Variants in MAGI2 observed in about 807,000 individuals in gnomAD.
MAGI2 encodes the protein membrane associated guanylate kinase, WW and PDZ domain containing 2.
In MAGI2, 35 loss-of-function variants were observed where a neutral mutation model predicts 133.3. The ratio of observed to expected loss-of-function variants is 0.26; its 90% CI spans 0.20 to 0.35. The LOEUF (loss-of-function observed/expected upper bound fraction) is 0.35. Ranked by LOEUF, MAGI2 falls within the 10% of genes least tolerant of loss-of-function variation. The probability of loss-of-function intolerance (pLI) is 1.00; values close to 1 mark genes in which losing one functional copy is unlikely to be tolerated. For synonymous variants in MAGI2, 729 were observed against 710.6 expected (o/e 1.03, Z -0.41); for missense variants, 1,636 against 1,863.4 (o/e 0.88, Z 2.25).
intron 16 of MAGI2, among the ~76,000 whole-genome samples, chr7:78,140,505 C>T (rs893181799): frequency 6.6e-6 from 1 of 152,176 alleles, no homozygotes; most frequent in Non-Finnish European, 1.5e-5. Flanking sequence ...ATAAATACTT[C>T]AAAGGCAATC....
chr7:78,185,571 G>A, intron 13 of MAGI2, 58 bp downstream of exon 13: 1 of 1,332,272 alleles, frequency 7.5e-7, no homozygotes, highest in South Asian at 1.4e-5. Flanking sequence ...AGAATGATTT[G>A]TTACACAAAA....
intron 7 of MAGI2, chr7:78,347,456 C>T (rs1791039579): frequency 6.6e-6 from 1 of 152,328 alleles, no homozygotes; most frequent in South Asian, 2.1e-4. Flanking sequence ...AGCTATGTGA[C>T]CTTGGTTGAG....
At chr7:78,247,084 C>CTGCTGCAGCTGCATA (rs922324453) in intron 10 of MAGI2, among the ~76,000 whole-genome samples, 3 of 152,170 alleles carry the variant, frequency 2.0e-5, no homozygotes, top group Non-Finnish European at 2.9e-5. Flanking sequence ...GAGCCCAGTG[C>CTGCTGCAGCTGCATA]TGCTGCAGCT....
intron 2 of MAGI2, among the ~76,000 whole-genome samples, chr7:78,643,926 T>C (rs1810565096): frequency 1.3e-5 from 2 of 152,064 alleles, no homozygotes; most frequent in Admixed American, 1.3e-4. Flanking sequence ...AAAACTCACC[T>C]ATATGCTGCC....
At chr7:78,231,198 C>T (rs765979818) in intron 10 of MAGI2, among the ~76,000 whole-genome samples, 5 of 152,102 alleles carry the variant, frequency 3.3e-5, no homozygotes, top group South Asian at 4.1e-4. Context: ...CAGGTGCTGC[C>T]GTAAGGTTAA....
chr7:78,993,350 A>T (rs1463776002), intron 2 of MAGI2, among the ~76,000 whole-genome samples: 3 of 152,116 alleles, frequency 2.0e-5, no homozygotes, highest in African/African-American at 7.2e-5. Flanking sequence ...AAGGCATTTA[A>T]AACTTAGAGC....
chr7:78,165,582 G>C (rs1471367538), intron 15 of MAGI2, among the ~76,000 whole-genome samples: 1 of 152,120 alleles, frequency 6.6e-6, no homozygotes, highest in Admixed American at 6.5e-5. Context: ...CTTCTTCCTA[G>C]CCCTTTTCCC....
intron 20 of MAGI2, among the ~76,000 whole-genome samples, chr7:78,085,548 TCCCA>T (rs769059583): frequency 1.4e-5 from 1 of 69,170 alleles, no homozygotes; most frequent in Non-Finnish European, 3.0e-5. Context: ...ATAATAAAAC[TCCCA>T]CACACACACA....
chr7:78,225,127 C>T (rs1789246903), intron 10 of MAGI2, among the ~76,000 whole-genome samples: 2 of 152,230 alleles, frequency 1.3e-5, no homozygotes, highest in African/African-American at 4.8e-5. Flanking sequence ...TGCTGTAAGA[C>T]CCAAGGCTGA....
chr7:78,145,775 T>C (rs77516311), intron 16 of MAGI2, among the ~76,000 whole-genome samples: 23,898 of 152,066 alleles, frequency 0.16, 2,354 homozygotes, highest in Non-Finnish European at 0.22. Context: ...CAAAGTGGAC[T>C]AAGATGGCTA....
chr7:79,444,488 C>A (rs1442622248), intron 1 of MAGI2, among the ~76,000 whole-genome samples: 1 of 152,142 alleles, frequency 6.6e-6, no homozygotes, highest in Admixed American at 6.5e-5. Flanking sequence ...AATCAATGTG[C>A]AAAAATCACA....
At chr7:78,240,535 G>A (rs1370508115) in intron 10 of MAGI2, among the ~76,000 whole-genome samples, 4 of 152,272 alleles carry the variant, frequency 2.6e-5, no homozygotes, top group Non-Finnish European at 4.4e-5. Flanking sequence ...AATAAGCCAG[G>A]CATAGAAAGG....
intron 2 of MAGI2, among the ~76,000 whole-genome samples, chr7:78,634,701 T>C (rs935402049): frequency 6.6e-6 from 1 of 151,960 alleles, no homozygotes; most frequent in Non-Finnish European, 1.5e-5. Context: ...AGATGATGAA[T>C]AGTTGACAGC....
intron 2 of MAGI2, among the ~76,000 whole-genome samples, chr7:78,632,047 T>G (rs1050837756): frequency 2.6e-5 from 4 of 152,328 alleles, no homozygotes; most frequent in African/African-American, 9.6e-5. Flanking sequence ...CAAGGATTAT[T>G]GTATGTTAAG....
intron 3 of MAGI2, among the ~76,000 whole-genome samples, chr7:78,621,594 T>TG (rs1293532473): frequency 1.3e-5 from 2 of 151,830 alleles, no homozygotes; most frequent in African/African-American, 4.8e-5. Flanking sequence ...CATTCAGAAT[T>TG]GGGGGGTGGA....
chr7:79,141,353 C>T (rs1359394018), intron 1 of MAGI2, among the ~76,000 whole-genome samples: 3 of 152,156 alleles, frequency 2.0e-5, no homozygotes, highest in African/African-American at 7.2e-5. Flanking sequence ...CAGAAAGTTA[C>T]TGAGTCCTCC....
At chr7:78,284,388 C>T (rs2151021249) in intron 9 of MAGI2, among the ~76,000 whole-genome samples, 1 of 152,030 alleles carries the variant, frequency 6.6e-6, no homozygotes, top group South Asian at 2.1e-4. Flanking sequence ...CATGTGTCCA[C>T]TCCTCTCTGC....
In MAGI2 at chr7:79,118,490, C is replaced by A. The variant is rs148421557; in HGVS notation, c.302-111284G>T. Reference sequence around the variant, plus strand: ...AGTAGAAAGCTAGACATTATTTTAACCTTAGCTTTACTTAAACTTCCAATA... The same window carrying A: ...AGTAGAAAGCTAGACATTATTTTAAACTTAGCTTTACTTAAACTTCCAATA... On this transcript the variant is annotated intron_variant, in intron 1 of 21. Transcript: ENST00000354212. Among the ~76,000 whole-genome samples the A allele has an allele frequency of 2.8e-3, 424 of 152,154 alleles. 6 individuals carry two copies. The highest frequency in any genetic ancestry group is 9.5e-3 in the African/African-American group (396 of 41,520).
chr7:78,631,279 T>G (rs893236472), intron 2 of MAGI2, among the ~76,000 whole-genome samples: 1 of 152,136 alleles, frequency 6.6e-6, no homozygotes, highest in Non-Finnish European at 1.5e-5. Context: ...CCTCCCTCAC[T>G]CCTTTATCCC....
Sources: gnomAD v4.1 joint callset for allele counts (sites outside exome capture counted in the v4.1 genomes callset) on GRCh38, gnomAD v4.1.1 for gene constraint, MANE v1.5 for transcripts, NCBI Gene and HGNC (gene_info 2026-07-23, HGNC 2026-07-21) for gene names.